The following IL19 variants were observed in gnomAD, a reference collection of about 807,000 sequenced individuals.
IL19 encodes interleukin-19.
IL19 carries 15 observed loss-of-function variants against 19.5 expected under a neutral mutation model. The ratio of observed to expected loss-of-function variants is 0.77; its 90% CI spans 0.52 to 1.19. The LOEUF (loss-of-function observed/expected upper bound fraction) is 1.19. Ranked by LOEUF, IL19 falls within the 50% of genes most tolerant of loss-of-function variation. IL19 has a pLI of 0.00. For missense variants in IL19, 199 were observed against 213.1 expected (o/e 0.93, Z 0.41); for synonymous variants, 78 against 78.3 (o/e 1.00, Z 0.02).
intron 2 of IL19, among the ~76,000 whole-genome samples, chr1:206,823,284 T>A (rs947395455): frequency 7.2e-5 from 11 of 151,992 alleles, no homozygotes; most frequent in Admixed American, 6.6e-5. Flanking sequence ...CTGGGTGTGG[T>A]GGCTCACTCC....
At chr1:206,788,789 G>A (rs557405132) in intron 1 of IL19, among the ~76,000 whole-genome samples, 15 of 152,340 alleles carry the variant, frequency 9.8e-5, no homozygotes, top group African/African-American at 3.4e-4. Flanking sequence ...CAGGCAGGAT[G>A]GAGGCAAGAG....
In IL19 at chr1:206,839,933, C is replaced by G; in HGVS notation, c.294C>G (p.Pro98=). The change falls in exon 5 of 7, where the codon CCC becomes CCG. Residue 98 remains proline, a synonymous_variant. Transcript: ENST00000659997. ...RVFKDHQEPN[P]KILRKISSIA... ...TCAAGGATCATCAGGAGCCAAACCCCAAAATCTTGAGAAAAATCAGCAGCA... is the reference window on the plus strand; with the variant it reads ...TCAAGGATCATCAGGAGCCAAACCCGAAAATCTTGAGAAAAATCAGCAGCA... 1 of 1,614,170 alleles carries G rather than the reference C, an allele frequency of 6.2e-7. No individual in the cohort carries two copies. Among genetic ancestry groups the G allele is most frequent in the Non-Finnish European group, 8.5e-7 (1 of 1,180,026 alleles).
chr1:206,818,408 G>A (rs138980561), intron 2 of IL19, among the ~76,000 whole-genome samples: 64 of 152,292 alleles, frequency 4.2e-4, no homozygotes, highest in Non-Finnish European at 6.8e-4. Context: ...CAAATCTCAA[G>A]ATAATTATGT....
chr1:206,778,745 T>G (rs1675065448), intron 1 of IL19, among the ~76,000 whole-genome samples: 1 of 152,254 alleles, frequency 6.6e-6, no homozygotes, highest in South Asian at 2.1e-4. Context: ...GGTTTCACCT[T>G]CATCCAGTGC....
intron 1 of IL19, among the ~76,000 whole-genome samples, chr1:206,772,802 A>G (rs1176160186): frequency 6.6e-6 from 1 of 152,194 alleles, no homozygotes; most frequent in Non-Finnish European, 1.5e-5. Flanking sequence ...AGAGGCCCTC[A>G]GCTGTGGGTT....
chr1:206,817,462 G>A (rs954876936), intron 2 of IL19, among the ~76,000 whole-genome samples: 6 of 152,162 alleles, frequency 3.9e-5, no homozygotes, highest in African/African-American at 1.4e-4. Flanking sequence ...AGCACATCCA[G>A]CAGCAAGACA....
intron 2 of IL19, chr1:206,834,407 C>G: frequency 1.0e-6 from 1 of 985,662 alleles, no homozygotes; most frequent in Non-Finnish European, 1.2e-6. Context: ...AGAGGTGAGG[C>G]TCACGCTGTC....
intron 1 of IL19, among the ~76,000 whole-genome samples, chr1:206,776,474 G>T (rs1256598017): frequency 6.6e-5 from 10 of 151,806 alleles, no homozygotes; most frequent in Non-Finnish European, 1.2e-4. Flanking sequence ...ATAGATTTTG[G>T]AGGGTGCATT....
rs546413854 is a variant in IL19, at chr1:206,833,075, G to T, written c.-2-3586G>T. On this transcript the variant is annotated intron_variant, in intron 2 of 6. Coordinates refer to ENST00000659997, the MANE Select transcript of IL19 (RefSeq NM_153758.5). ...TTAAAAATAAGCTCCATTTATTCTG[G>T]GAGTCTGTGTTTGGGGATGTCAAAA... Among the ~76,000 whole-genome samples, 162 of 152,280 alleles carry T rather than the reference G, an allele frequency of 1.1e-3. 1 individual carries two copies. Among genetic ancestry groups the T allele is most frequent in the African/African-American group, 3.8e-3 (157 of 41,560 alleles).
At chr1:206,838,083 A>G (rs938955982) in intron 4 of IL19, among the ~76,000 whole-genome samples, 3 of 152,246 alleles carry the variant, frequency 2.0e-5, no homozygotes, top group African/African-American at 7.2e-5. Flanking sequence ...GCCCAAAGTT[A>G]TATGATCATA....
At chr1:206,803,638 G>A (rs1428704824) in intron 2 of IL19, among the ~76,000 whole-genome samples, 1 of 152,178 alleles carries the variant, frequency 6.6e-6, no homozygotes. Context: ...CCTGGGGGCT[G>A]ATGGGGCTGC....
intron 1 of IL19, among the ~76,000 whole-genome samples, chr1:206,791,393 C>T (rs889474505): frequency 2.6e-5 from 4 of 151,822 alleles, no homozygotes; most frequent in African/African-American, 9.7e-5. Context: ...ACCTCCACCT[C>T]CTGGGTTCAA....
At chr1:206,784,666 G>A (rs1675226139) in intron 1 of IL19, among the ~76,000 whole-genome samples, 1 of 152,238 alleles carries the variant, frequency 6.6e-6, no homozygotes, top group Non-Finnish European at 1.5e-5. Context: ...ATGGCCCCGG[G>A]GGCGGCGGGG....
At chr1:206,813,975 A>G (rs1461492783) in intron 2 of IL19, among the ~76,000 whole-genome samples, 1 of 152,154 alleles carries the variant, frequency 6.6e-6, no homozygotes, top group African/African-American at 2.4e-5. Context: ...AATCTGCCCT[A>G]CAGGTTTCAG....
chr1:206,837,683 T>TACAAA (rs976482489), intron 4 of IL19, among the ~76,000 whole-genome samples: 6 of 152,184 alleles, frequency 3.9e-5, no homozygotes, highest in East Asian at 1.9e-4. Flanking sequence ...ACCTCGTCTC[T>TACAAA]ACAAAACAAA....
Position 206,831,728 on chromosome 1 carries a change from G to A in IL19, c.-2-4933G>A, listed in dbSNP as rs921145135. 1.1e-4 allele frequency among the ~76,000 whole-genome samples: 16 copies of A among 152,158 alleles called. 1 individual carries two copies. The highest frequency in any genetic ancestry group is 3.3e-4 in the Admixed American group (5 of 15,288). ...TACCATTTTACAGATGAGTAAACAG[G>A]CACTGAGATTAAGTGGCTTGCCTTC... On this transcript the variant is annotated intron_variant, in intron 2 of 6. Transcript: ENST00000659997.
At chr1:206,773,659 C>T (rs890005448) in intron 1 of IL19, among the ~76,000 whole-genome samples, 1 of 144,146 alleles carries the variant, frequency 6.9e-6, no homozygotes, top group African/African-American at 2.6e-5. Flanking sequence ...AGTTGGGTTG[C>T]GGCGAGGAGT....
At chr1:206,806,459 T>C (rs1675848218) in intron 2 of IL19, among the ~76,000 whole-genome samples, 1 of 152,246 alleles carries the variant, frequency 6.6e-6, no homozygotes, top group Admixed American at 6.5e-5. Flanking sequence ...CAAGCATTTT[T>C]CAGATTTATT....
At position 206,838,613 on chromosome 1, in the gene IL19, G is replaced by A. The variant is rs574749144; in HGVS notation, c.211-1237G>A. Among the ~76,000 whole-genome samples, 220 of 152,312 alleles carry A rather than the reference G, an allele frequency of 1.4e-3. 1 individual carries two copies. Among genetic ancestry groups the A allele is most frequent in the African/African-American group, 5.0e-3 (206 of 41,570 alleles). On this transcript the variant is annotated intron_variant, in intron 4 of 6. Coordinates refer to ENST00000659997, the MANE Select transcript of IL19 (RefSeq NM_153758.5). ...GAGGGAGCATGACTAGTTAGTGGCA[G>A]AGTTAGGAACAGACCCCCAAATATA...
Sources: allele counts gnomAD v4.1 joint callset (sites outside exome capture counted in the v4.1 genomes callset), GRCh38; gene constraint gnomAD v4.1.1; transcripts MANE v1.5; gene names NCBI Gene and HGNC (gene_info 2026-07-23, HGNC 2026-07-21).